The following ADAM18 variants were observed in gnomAD, a reference collection of about 807,000 sequenced individuals.
ADAM18 encodes the protein disintegrin and metalloproteinase domain-containing protein 18.
A neutral mutation model predicts 94.4 loss-of-function variants in ADAM18; 117 were observed. The observed-to-expected ratio is 1.24, with a 90% CI of 1.07 to 1.45. ADAM18 has a LOEUF of 1.45. Among genes scored for constraint, ADAM18 ranks in the 40% most tolerant of loss-of-function variants. The pLI, the probability that ADAM18 is intolerant of heterozygous loss-of-function variation, is 0.00. For missense variants in ADAM18, 936 were observed against 880.0 expected (o/e 1.06, Z -0.81); for synonymous variants, 327 against 291.6 (o/e 1.12, Z -1.24).
chr8:39,631,246 CTTTTGT>C (rs1819924375), intron 7 of ADAM18, among the ~76,000 whole-genome samples: 1 of 151,726 alleles, frequency 6.6e-6, no homozygotes, highest in African/African-American at 2.4e-5. Context: ...TCTTAATTTC[CTTTTGT>C]TTTTAAGAAA....
chr8:39,696,249 TTGAG>T (rs936195678), intron 17 of ADAM18, among the ~76,000 whole-genome samples: 5 of 126,350 alleles, frequency 4.0e-5, no homozygotes, highest in Non-Finnish European at 8.4e-5. Flanking sequence ...CTTTTTATTA[TTGAG>T]TTTTAGAATT....
intron 17 of ADAM18, among the ~76,000 whole-genome samples, chr8:39,695,686 T>A (rs1324539684): frequency 6.6e-6 from 1 of 151,468 alleles, no homozygotes; most frequent in Non-Finnish European, 1.5e-5. Flanking sequence ...TATACAATAT[T>A]TGTCCTTTTG....
At chr8:39,726,684 A>G (rs1385770768) in intron 19 of ADAM18, among the ~76,000 whole-genome samples, 1 of 152,120 alleles carries the variant, frequency 6.6e-6, no homozygotes, top group Non-Finnish European at 1.5e-5. Flanking sequence ...AGTTTCAGGT[A>G]AGGATTAGGC....
chr8:39,701,647 G>C (rs1000179892), intron 17 of ADAM18, among the ~76,000 whole-genome samples: 5 of 151,958 alleles, frequency 3.3e-5, no homozygotes, highest in African/African-American at 1.2e-4. Flanking sequence ...CCCAATCTCT[G>C]CACTCAGGTG....
chr8:39,591,915 G>A (rs1338602001), intron 2 of ADAM18, among the ~76,000 whole-genome samples: 1 of 152,182 alleles, frequency 6.6e-6, no homozygotes, highest in African/African-American at 2.4e-5. Context: ...CGCTGTGTTC[G>A]CAGGCAGGAA....
intron 17 of ADAM18, among the ~76,000 whole-genome samples, chr8:39,706,261 T>G (rs1822238920): frequency 6.6e-6 from 1 of 152,120 alleles, no homozygotes; most frequent in Non-Finnish European, 1.5e-5. Context: ...GTATGTTATT[T>G]TATTATGGAA....
In ADAM18 at chr8:39,724,949, A is replaced by AT. The variant is rs1296896808; in HGVS notation, c.2177+1042_2177+1043insT. Among the ~76,000 whole-genome samples, 162 of 19,252 alleles carry AT rather than the reference A, an allele frequency of 8.4e-3. 3 individuals carry two copies. Among genetic ancestry groups the AT allele is most frequent in the African/African-American group, 0.078 (158 of 2,034 alleles). 12.6% of individuals were successfully genotyped at this position (19,252 alleles called of 152,430 possible). A position where few individuals can be genotyped will look rare whatever the true frequency, so the allele number is the denominator to read the frequency against. ...TTGATTTCAATCATTGTAAATTTAA[A>AT]ATTTTTTAAATTTTTTGAGAATTTT... On this transcript the variant is annotated intron_variant, in intron 19 of 19. Transcript: ENST00000265707.
At chr8:39,688,097 A>C (rs889898575) in intron 16 of ADAM18, among the ~76,000 whole-genome samples, 2 of 152,154 alleles carry the variant, frequency 1.3e-5, no homozygotes, top group Non-Finnish European at 2.9e-5. Context: ...GCAGTTAATA[A>C]ATGTTGCCAT....
At chr8:39,667,975 T>G in intron 13 of ADAM18, 23 bp from the exon 14 acceptor site, 1 of 1,604,862 alleles carries the variant, frequency 6.2e-7, no homozygotes. Context: ...AGAACTTAAT[T>G]TTATTTTTCC....
intron 14 of ADAM18, among the ~76,000 whole-genome samples, chr8:39,671,551 A>AT (rs1436950365): frequency 6.6e-6 from 1 of 152,106 alleles, no homozygotes; most frequent in African/African-American, 2.4e-5. Context: ...TATCAGGTAT[A>AT]TTTTTCAGGT....
chr8:39,663,266 A>G (rs761764203), intron 12 of ADAM18, among the ~76,000 whole-genome samples: 7 of 152,000 alleles, frequency 4.6e-5, no homozygotes, highest in Non-Finnish European at 1.0e-4. Flanking sequence ...CAGTTCTTAC[A>G]CTTGCATGTA....
intron 2 of ADAM18, among the ~76,000 whole-genome samples, chr8:39,605,289 C>T (rs1032654211): frequency 5.9e-5 from 9 of 152,264 alleles, no homozygotes; most frequent in South Asian, 2.1e-4. Flanking sequence ...AGTCCAGTTA[C>T]GCCCCCCTGA....
At chr8:39,606,762 C>A (rs1020183188) in intron 3 of ADAM18, among the ~76,000 whole-genome samples, 1 of 151,908 alleles carries the variant, frequency 6.6e-6, no homozygotes, top group Admixed American at 6.6e-5. Context: ...TGGGGGCAGG[C>A]GGGCTGAGTC....
chr8:39,669,622 T>C (rs1315010337), intron 14 of ADAM18, among the ~76,000 whole-genome samples: 1 of 151,988 alleles, frequency 6.6e-6, no homozygotes. Context: ...GTTTCATCCG[T>C]GTCCCTACAA....
In ADAM18 at chr8:39,663,878, A is replaced by C. The variant is rs760605923; in HGVS notation, c.1314A>C (p.Thr438=). 1.2e-5 allele frequency: 19 copies of C among 1,610,242 alleles called. No individual in the cohort carries two copies. Among genetic ancestry groups the C allele is most frequent in the Non-Finnish European group, 1.6e-5 (19 of 1,178,628 alleles). ...AATGTGGTTCTGGACCATGTTGTACATCAAAGTGTGAGGTAAGTTACTAAC... is the reference window on the plus strand; with the variant it reads ...AATGTGGTTCTGGACCATGTTGTACCTCAAAGTGTGAGGTAAGTTACTAAC... ...SVKCGSGPCC[T]SKCELSIAGT... Residue 438 remains threonine, a synonymous_variant, in exon 13 of 20, where the codon ACA becomes ACC. Transcript: ENST00000265707.
chr8:39,585,049 A>G (rs1818357676), intron 1 of ADAM18, among the ~76,000 whole-genome samples: 1 of 152,152 alleles, frequency 6.6e-6, no homozygotes, highest in African/African-American at 2.4e-5. Flanking sequence ...AGGGGCCTGT[A>G]GAACTGCAAT....
At chr8:39,721,511 A>T (rs558957185) in intron 18 of ADAM18, among the ~76,000 whole-genome samples, 1 of 151,468 alleles carries the variant, frequency 6.6e-6, no homozygotes, top group South Asian at 2.1e-4. Flanking sequence ...TGCAAACTAT[A>T]TATCAACAAA....
chr8:39,647,911 G>A (rs2129579578), intron 11 of ADAM18, among the ~76,000 whole-genome samples: 1 of 152,234 alleles, frequency 6.6e-6, no homozygotes, highest in Non-Finnish European at 1.5e-5. Context: ...ATTGTTTAAG[G>A]TACAGGTCAA....
chr8:39,655,293 C>T (rs1820655655), intron 12 of ADAM18, among the ~76,000 whole-genome samples: 1 of 152,052 alleles, frequency 6.6e-6, no homozygotes, highest in African/African-American at 2.4e-5. Context: ...CTGTTCTTTT[C>T]CCAGTGTATG....
Sources: allele counts gnomAD v4.1 joint callset (sites outside exome capture counted in the v4.1 genomes callset), GRCh38; gene constraint gnomAD v4.1.1; transcripts MANE v1.5; gene names NCBI Gene and HGNC (gene_info 2026-07-23, HGNC 2026-07-21).